FOXN2: variants seen among roughly 807,000 people sequenced by gnomAD.
FOXN2 encodes forkhead box protein N2.
FOXN2 carries 19 observed loss-of-function variants against 41.2 expected under a neutral mutation model. The observed-to-expected ratio is 0.46, with a 90% CI of 0.32 to 0.68. The LOEUF (loss-of-function observed/expected upper bound fraction) is 0.68. FOXN2 is among the 30% of genes least tolerant of loss of function. The probability of loss-of-function intolerance (pLI) is 0.03; values close to 1 mark genes in which losing one functional copy is unlikely to be tolerated. For synonymous variants in FOXN2, 195 were observed against 176.8 expected (o/e 1.10, Z -0.82); for missense variants, 587 against 509.4 (o/e 1.15, Z -1.47).
chr2:48,351,437 T>C (rs1381930938), intron 3 of FOXN2, among the ~76,000 whole-genome samples: 1 of 152,160 alleles, frequency 6.6e-6, no homozygotes, highest in Non-Finnish European at 1.5e-5. Flanking sequence ...AATAGCAACA[T>C]GAACAGAGTC....
At chr2:48,317,448 CA>C (rs373440536) in intron 1 of FOXN2, among the ~76,000 whole-genome samples, 31 of 142,106 alleles carry the variant, frequency 2.2e-4, no homozygotes, top group East Asian at 4.1e-4. Flanking sequence ...AACTCTGTCT[CA>C]AAAAAAAAAA....
At chr2:48,352,958 T>C (rs560025965) in intron 3 of FOXN2, among the ~76,000 whole-genome samples, 42 of 152,254 alleles carry the variant, frequency 2.8e-4, no homozygotes, top group African/African-American at 9.1e-4. Flanking sequence ...TACCATAACA[T>C]TGGCCTTAGT....
chr2:48,354,976 C>T (rs978352622), intron 3 of FOXN2, among the ~76,000 whole-genome samples: 1 of 152,128 alleles, frequency 6.6e-6, no homozygotes, highest in African/African-American at 2.4e-5. Context: ...GATAGGAGTA[C>T]ATTAATATGA....
chr2:48,369,403 T>C (rs1430813435), intron 5 of FOXN2, among the ~76,000 whole-genome samples: 1 of 152,102 alleles, frequency 6.6e-6, no homozygotes, highest in Non-Finnish European at 1.5e-5. Context: ...CTGACTGTGG[T>C]TGCGAGTGCC....
At chr2:48,355,552 G>A (rs1165721337) in intron 3 of FOXN2, among the ~76,000 whole-genome samples, 1 of 151,782 alleles carries the variant, frequency 6.6e-6, no homozygotes, top group Non-Finnish European at 1.5e-5. Flanking sequence ...GAATGCATGT[G>A]GATTTTTTTT....
chr2:48,354,947 T>C (rs1671693217), intron 3 of FOXN2, among the ~76,000 whole-genome samples: 1 of 152,198 alleles, frequency 6.6e-6, no homozygotes, highest in South Asian at 2.1e-4. Context: ...TGAGTAAATA[T>C]TGATACTTTC....
chr2:48,363,272 G>A (rs1384592033), intron 5 of FOXN2, among the ~76,000 whole-genome samples: 2 of 151,982 alleles, frequency 1.3e-5, no homozygotes, highest in East Asian at 3.8e-4. Flanking sequence ...TTTAAAAAAA[G>A]TTAATTTAAA....
rs1673238580 is a variant in FOXN2 at position 48,376,221 on chromosome 2, C to G, written c.*778C>G. 1 of 152,036 alleles carries G rather than the reference C, an allele frequency of 6.6e-6. No individual in the cohort carries two copies. Among genetic ancestry groups the G allele is most frequent in the Non-Finnish European group, 1.5e-5 (1 of 67,994 alleles). 9.4% of individuals were successfully genotyped at this position (152,036 alleles called of 1,614,324 possible). On this transcript the variant is annotated 3_prime_UTR_variant, in exon 7 of 7. Coordinates refer to ENST00000340553, the MANE Select transcript of FOXN2 (RefSeq NM_002158.4). ...AACATTAAGTTTTAGCCACTAGCTG[C>G]CTTTGTTGAGTATAAGTTATCCAGT...
At chr2:48,373,495 T>C (rs563389318) in intron 6 of FOXN2, 135 bp downstream of exon 6, 1 of 551,486 alleles carries the variant, frequency 1.8e-6, no homozygotes, top group East Asian at 3.4e-5. Flanking sequence ...ACTCAGTTTC[T>C]GTTTTATTAT....
intron 3 of FOXN2, among the ~76,000 whole-genome samples, chr2:48,352,151 G>A (rs1671489640): frequency 6.6e-6 from 1 of 152,152 alleles, no homozygotes. Flanking sequence ...TTGTGACAGT[G>A]TGAATGATAG....
upstream of FOXN2, among the ~76,000 whole-genome samples, chr2:48,313,669 T>A (rs1211718710): frequency 6.6e-6 from 1 of 152,362 alleles, no homozygotes; most frequent in Non-Finnish European, 1.5e-5. Context: ...ACTAGAGCCT[T>A]AGTGCTGCCA....
chr2:48,326,251 T>C (rs1669666361), intron 1 of FOXN2, among the ~76,000 whole-genome samples: 1 of 152,152 alleles, frequency 6.6e-6, no homozygotes, highest in Non-Finnish European at 1.5e-5. Context: ...CTAGGATTTG[T>C]ATAGGCTTTG....
At chr2:48,360,971 G>A (rs557174750) in intron 4 of FOXN2, among the ~76,000 whole-genome samples, 42 of 149,206 alleles carry the variant, frequency 2.8e-4, no homozygotes, top group African/African-American at 9.1e-4. Context: ...CCAAGATGGT[G>A]CTACTGCACT....
At chr2:48,337,099 C>G (rs1174771816) in intron 2 of FOXN2, among the ~76,000 whole-genome samples, 3 of 151,674 alleles carry the variant, frequency 2.0e-5, no homozygotes, top group African/African-American at 7.3e-5. Flanking sequence ...ACCTCCCTCC[C>G]ACTAATCCTC....
At chr2:48,330,899 G>T (rs1207036080) in intron 2 of FOXN2, among the ~76,000 whole-genome samples, 2 of 152,254 alleles carry the variant, frequency 1.3e-5, no homozygotes, top group Non-Finnish European at 2.9e-5. Context: ...TAGGCTAGAT[G>T]CTGCCATATA....
chr2:48,356,427 C>T (rs528267828), intron 3 of FOXN2, among the ~76,000 whole-genome samples: 1 of 151,518 alleles, frequency 6.6e-6, no homozygotes, highest in African/African-American at 2.4e-5. Context: ...ATTGACACAG[C>T]GAGACTGTCT....
intron 3 of FOXN2, among the ~76,000 whole-genome samples, chr2:48,357,768 C>T (rs1433857274): frequency 6.7e-6 from 1 of 148,318 alleles, no homozygotes; most frequent in Non-Finnish European, 1.5e-5. Context: ...GTCATCAAAA[C>T]ACATTTATCA....
At position 48,346,602 on chromosome 2, in the gene FOXN2, A is replaced by G. The variant is rs759338687; in HGVS notation, c.388A>G (p.Asn130Asp). The G allele has an allele frequency of 6.8e-6, 11 of 1,614,152 alleles. No individual in the cohort carries two copies. The highest frequency in any genetic ancestry group is 2.2e-5 in the East Asian group (1 of 44,886). The change falls in exon 3 of 7, where the codon AAT becomes GAT. Residue 130 changes from asparagine to aspartate, a missense_variant. By Grantham distance (23) the Asn-to-Asp change is conservative. Coordinates refer to ENST00000340553, the MANE Select transcript of FOXN2 (RefSeq NM_002158.4). Reference sequence around the variant, plus strand: ...TTATATGGCCATTGAGCACTCTCCAAATAAATGTTTGCCTGTCAAAGAAAT... The same window carrying G: ...TTATATGGCCATTGAGCACTCTCCAGATAAATGTTTGCCTGTCAAAGAAAT... ...LIYMAIEHSPNKCLPVKEIYS... is the reference protein window; with the variant it reads ...LIYMAIEHSPDKCLPVKEIYS...
intron 5 of FOXN2, among the ~76,000 whole-genome samples, chr2:48,366,379 G>A (rs985844543): frequency 6.6e-6 from 1 of 150,764 alleles, no homozygotes; most frequent in South Asian, 2.1e-4. Context: ...AAATGATGGA[G>A]AACACCTGAT....
Sources: gnomAD v4.1 joint callset for allele counts (sites outside exome capture counted in the v4.1 genomes callset) on GRCh38, gnomAD v4.1.1 for gene constraint, MANE v1.5 for transcripts, NCBI Gene and HGNC (gene_info 2026-07-23, HGNC 2026-07-21) for gene names.